The following OLFM3 variants were observed in gnomAD, a reference collection of about 807,000 sequenced individuals.
OLFM3 encodes olfactomedin 3, also known as noelin-3.
OLFM3 carries 20 observed loss-of-function variants against 48.6 expected under a neutral mutation model. The ratio of observed to expected loss-of-function variants is 0.41; its 90% confidence interval spans 0.29 to 0.60. OLFM3 has a LOEUF of 0.60. OLFM3 is among the 20% of genes least tolerant of loss of function. The pLI is 0.28. For synonymous variants in OLFM3, 222 were observed against 198.1 expected (o/e 1.12, Z -1.01); for missense variants, 437 against 544.3 (o/e 0.80, Z 1.96).
rs1359377626 is a variant in OLFM3 at position 101,824,672 on chromosome 1, AC to A, written c.592+353del. ...AACAACAACAACAACAACAACAACA[AC>A]AACAACAACAAAAAACAGTTTCTTT... On this transcript the variant is annotated intron_variant, in intron 4 of 5. Transcript: ENST00000370103. Among the ~76,000 whole-genome samples the A allele has an allele frequency of 2.2e-3, 328 of 151,266 alleles. 1 individual carries two copies. The highest frequency in any genetic ancestry group is 2.7e-3 in the Non-Finnish European group (181 of 67,690).
At chr1:101,944,377 T>C (rs964641921) in intron 1 of OLFM3, among the ~76,000 whole-genome samples, 4 of 152,048 alleles carry the variant, frequency 2.6e-5, no homozygotes, top group African/African-American at 9.7e-5. Context: ...AAATGAAAAG[T>C]GGTAGTTGGT....
chr1:101,934,359 A>G (rs1315842038), intron 1 of OLFM3, among the ~76,000 whole-genome samples: 2 of 152,236 alleles, frequency 1.3e-5, no homozygotes, highest in Non-Finnish European at 2.9e-5. Flanking sequence ...AACAATAATC[A>G]GAAAAGGCAA....
intron 1 of OLFM3, among the ~76,000 whole-genome samples, chr1:101,965,740 A>G (rs967975245): frequency 6.6e-6 from 1 of 152,158 alleles, no homozygotes; most frequent in Non-Finnish European, 1.5e-5. Context: ...GAGGTTATAT[A>G]TTTTCTGAAT....
intron 1 of OLFM3, among the ~76,000 whole-genome samples, chr1:101,941,068 A>G (rs977658706): frequency 6.6e-6 from 1 of 152,172 alleles, no homozygotes; most frequent in Non-Finnish European, 1.5e-5. Context: ...CTGGACCATC[A>G]TAAGAGAAGG....
At position 101,930,274 on chromosome 1, in the gene OLFM3, T is replaced by C. The variant is rs563744198; in HGVS notation, c.69+66474A>G. Among the ~76,000 whole-genome samples, 10 of 152,302 alleles carry C rather than the reference T, an allele frequency of 6.6e-5. No individual in the cohort carries two copies. The South Asian group carries it at 2.1e-3, about 32-fold the overall frequency. ...AGTAATCTACAGTTTAGTTATTAGA[T>C]AAGGCAAGTACTGGCATCTTACAGT... On this transcript the variant is annotated intron_variant, in intron 1 of 5. Coordinates refer to ENST00000370103, the MANE Select transcript of OLFM3 (RefSeq NM_058170.4).
intron 1 of OLFM3, among the ~76,000 whole-genome samples, chr1:101,857,047 C>T (rs1469274308): frequency 2.0e-5 from 3 of 151,982 alleles, no homozygotes; most frequent in Admixed American, 1.3e-4. Context: ...TACTATGGGC[C>T]CTGAACACAA....
chr1:101,974,763 CT>C (rs1386777202), intron 1 of OLFM3, among the ~76,000 whole-genome samples: 2 of 152,038 alleles, frequency 1.3e-5, no homozygotes, highest in Non-Finnish European at 2.9e-5. Context: ...TTGACATTTG[CT>C]TATCTACTTT....
chr1:101,934,011 C>T (rs1659536191), intron 1 of OLFM3, among the ~76,000 whole-genome samples: 1 of 152,158 alleles, frequency 6.6e-6, no homozygotes, highest in Non-Finnish European at 1.5e-5. Flanking sequence ...TGACAAAAAT[C>T]ACATGTAAAT....
chr1:101,947,445 G>T (rs2101066461), intron 1 of OLFM3, among the ~76,000 whole-genome samples: 1 of 152,228 alleles, frequency 6.6e-6, no homozygotes, highest in East Asian at 1.9e-4. Context: ...AGGGAGGTAA[G>T]ACCAAAAAAA....
At chr1:101,928,608 A>G (rs1035945501) in intron 1 of OLFM3, among the ~76,000 whole-genome samples, 1 of 152,128 alleles carries the variant, frequency 6.6e-6, no homozygotes, top group Admixed American at 6.6e-5. Flanking sequence ...CTGGTGAACA[A>G]AATAAAGTTT....
rs1653645497 is a variant in OLFM3, at chr1:101,804,204, A to G, written c.*34T>C. The G allele has an allele frequency of 1.4e-5, 20 of 1,471,554 alleles. No homozygotes were observed. Among genetic ancestry groups the G allele is most frequent in the Non-Finnish European group, 1.7e-5 (19 of 1,092,926 alleles). 91.2% of individuals were successfully genotyped at this position (1,471,554 alleles called of 1,614,324 possible). On this transcript the variant is annotated 3_prime_UTR_variant, in exon 6 of 6. Coordinates refer to ENST00000370103, the MANE Select transcript of OLFM3 (RefSeq NM_058170.4). This position sits in a 1 kb window ranked among gnomAD's most constrained non-coding sequence, Gnocchi z 4.5. The stretch of plus-strand genomic sequence containing the variant: ...TCTTATAGAGTTTATCACAAATCAC[A>G]CTGTTTAAATCAATGAAAACATGTC...
chr1:101,811,754 C>T (rs1447230576), intron 4 of OLFM3, among the ~76,000 whole-genome samples: 2 of 152,120 alleles, frequency 1.3e-5, no homozygotes, highest in East Asian at 1.9e-4. Flanking sequence ...TAAACTAGTT[C>T]AACCATTGTG....
At chr1:101,846,740 G>T in intron 1 of OLFM3, 1 of 747,988 alleles carries the variant, frequency 1.3e-6, no homozygotes, top group East Asian at 2.5e-5. Context: ...TTTTGAAGCT[G>T]ACCTGTAAAG....
chr1:101,834,462 G>A (rs1655306556), intron 2 of OLFM3, among the ~76,000 whole-genome samples: 1 of 152,156 alleles, frequency 6.6e-6, no homozygotes. Context: ...GGTGCTTAAA[G>A]GTCATGCTCT....
intron 1 of OLFM3, among the ~76,000 whole-genome samples, chr1:101,966,350 T>TGC (rs1288046000): frequency 1.3e-4 from 13 of 99,908 alleles, no homozygotes; most frequent in African/African-American, 4.7e-4. Context: ...TGTGTGTGTG[T>TGC]GCGCTACAGA....
At chr1:101,887,862 T>G (rs1657828618) in intron 1 of OLFM3, among the ~76,000 whole-genome samples, 1 of 151,996 alleles carries the variant, frequency 6.6e-6, no homozygotes, top group African/African-American at 2.4e-5. Context: ...GATATATATC[T>G]CATGCTTACA....
intron 4 of OLFM3, among the ~76,000 whole-genome samples, chr1:101,820,943 C>T (rs777586294): frequency 5.3e-5 from 8 of 151,930 alleles, no homozygotes; most frequent in Admixed American, 1.3e-4. Flanking sequence ...ATGAATAAGC[C>T]TTCTTGCTGT....
intron 4 of OLFM3, among the ~76,000 whole-genome samples, chr1:101,818,922 G>A (rs1316497631): frequency 6.6e-6 from 1 of 152,094 alleles, no homozygotes; most frequent in Admixed American, 6.6e-5. Context: ...TGTGTTTCAG[G>A]TATATTGCAA....
At chr1:101,861,741 C>T (rs1048337397) in intron 1 of OLFM3, among the ~76,000 whole-genome samples, 2 of 152,112 alleles carry the variant, frequency 1.3e-5, no homozygotes, top group Non-Finnish European at 2.9e-5. Flanking sequence ...GGTTGGAATG[C>T]CAGGTTTGTC....
Sources: allele counts gnomAD v4.1 joint callset (sites outside exome capture counted in the v4.1 genomes callset), GRCh38; gene constraint gnomAD v4.1.1; non-coding constraint Gnocchi (gnomAD v3.1); transcripts MANE v1.5; gene names NCBI Gene and HGNC (gene_info 2026-07-23, HGNC 2026-07-21).